Variants in KLRG1 observed in about 807,000 individuals in gnomAD.
KLRG1 encodes killer cell lectin-like receptor subfamily G member 1.
A neutral mutation model predicts 21.8 loss-of-function variants in KLRG1; 16 were observed. The ratio of observed to expected loss-of-function variants is 0.73; its 90% CI spans 0.50 to 1.11. The LOEUF (loss-of-function observed/expected upper bound fraction) is 1.11, where lower values mean the gene tolerates loss of function less well. KLRG1 is among the 50% of genes most tolerant of loss of function. The probability of loss-of-function intolerance (pLI) is 0.00; values close to 1 mark genes in which losing one functional copy is unlikely to be tolerated. For missense variants in KLRG1, 173 were observed against 218.3 expected, an observed-to-expected ratio of 0.79 and a Z score of 1.31; for synonymous variants, 69 against 75.9, an observed-to-expected ratio of 0.91 and a Z score of 0.47.
the KLRG1 span, chr12:9,080,210 T>G: frequency 3.5e-6 from 5 of 1,412,424 alleles, no homozygotes; most frequent in Non-Finnish European, 4.9e-6. Flanking sequence ...CATATGAAAA[T>G]TATTTCTGCA....
At chr12:9,023,564 CTT>C in the KLRG1 span, among the ~76,000 whole-genome samples, 1 of 144,376 alleles carries the variant, frequency 6.9e-6, no homozygotes. Context: ...CTTTTTTTTC[CTT>C]TTTTTTTTTA....
chr12:9,212,714 T>G, the KLRG1 span, among the ~76,000 whole-genome samples: 1 of 151,830 alleles, frequency 6.6e-6, no homozygotes, highest in East Asian at 1.9e-4. Context: ...GGAAATTATT[T>G]CCTTCATTTA....
intron 3 of KLRG1, among the ~76,000 whole-genome samples, chr12:9,006,955 T>C (rs1314910591): frequency 1.3e-5 from 2 of 152,238 alleles, no homozygotes; most frequent in Non-Finnish European, 2.9e-5. Flanking sequence ...GCAAAGGGAT[T>C]TTGCAAACCT....
chr12:9,019,856 G>A, the KLRG1 span, among the ~76,000 whole-genome samples: 1 of 152,050 alleles, frequency 6.6e-6, no homozygotes, highest in Non-Finnish European at 1.5e-5. Flanking sequence ...AAAGTGCTGG[G>A]ATTATAGGTG....
chr12:9,047,694 TAAAG>T, the KLRG1 span, among the ~76,000 whole-genome samples: 1 of 151,984 alleles, frequency 6.6e-6, no homozygotes, highest in East Asian at 1.9e-4. Context: ...AGATTGAAAA[TAAAG>T]GATGGAGAAA....
At chr12:9,087,493 A>G in the KLRG1 span, among the ~76,000 whole-genome samples, 1 of 152,156 alleles carries the variant, frequency 6.6e-6, no homozygotes, top group Non-Finnish European at 1.5e-5. Context: ...AATGGTGGTT[A>G]TGGAGGATGA....
intron 1 of KLRG1, among the ~76,000 whole-genome samples, chr12:8,960,922 T>C (rs1336161644): frequency 6.6e-6 from 1 of 152,224 alleles, no homozygotes; most frequent in African/African-American, 2.4e-5. Flanking sequence ...GGACGAGGTG[T>C]AGGAGATGGC....
At chr12:9,140,771 T>C in the KLRG1 span, among the ~76,000 whole-genome samples, 3 of 152,148 alleles carry the variant, frequency 2.0e-5, no homozygotes, top group East Asian at 3.9e-4. Context: ...CATTCTTTAC[T>C]TACCACAGGT....
the KLRG1 span, among the ~76,000 whole-genome samples, chr12:9,116,452 C>T: frequency 2.6e-5 from 4 of 152,036 alleles, no homozygotes; most frequent in Non-Finnish European, 5.9e-5. Context: ...AGAGCCAGGC[C>T]CTGGAAGAAT....
At chr12:9,101,741 C>A in the KLRG1 span, 1 of 1,310,636 alleles carries the variant, frequency 7.6e-7, no homozygotes, top group Non-Finnish European at 1.1e-6. Context: ...TCTCACAAAA[C>A]TACGTAAGTT....
chr12:9,062,872 C>G, the KLRG1 span, among the ~76,000 whole-genome samples: 1 of 151,290 alleles, frequency 6.6e-6, no homozygotes, highest in Admixed American at 6.6e-5. Flanking sequence ...CAGTTAAACA[C>G]CTAAACAGCC....
At chr12:9,179,090 C>G in the KLRG1 span, among the ~76,000 whole-genome samples, 1 of 152,148 alleles carries the variant, frequency 6.6e-6, no homozygotes, top group African/African-American at 2.4e-5. Flanking sequence ...AACTTTTTAT[C>G]AAAGATCAAA....
chr12:9,070,542 G>A, the KLRG1 span: 20 of 1,613,678 alleles, frequency 1.2e-5, no homozygotes, highest in South Asian at 9.9e-5. Context: ...TCACATCAAC[G>A]ATCGCCATGT....
the KLRG1 span, chr12:9,161,021 A>T: frequency 2.7e-5 from 42 of 1,551,678 alleles, 1 homozygote; most frequent in South Asian, 2.6e-4. Context: ...TACTAAATGG[A>T]AGGTGACTCA....
At chr12:8,987,266 G>A (rs1246204906), upstream of KLRG1, 1 of 152,168 alleles carries the variant, frequency 6.6e-6, no homozygotes, top group Non-Finnish European at 1.5e-5. Flanking sequence ...GAGTGTTTAA[G>A]GAAGTAATTA....
downstream of KLRG1, among the ~76,000 whole-genome samples, chr12:9,011,923 T>A (rs1947637549): frequency 6.6e-6 from 1 of 152,162 alleles, no homozygotes; most frequent in Admixed American, 6.5e-5. Flanking sequence ...AGGGAGCATT[T>A]AGACCAGCCC....
At chr12:9,159,428 T>G in the KLRG1 span, among the ~76,000 whole-genome samples, 133,454 of 152,042 alleles carry the variant, frequency 0.88, 59,144 homozygotes, top group East Asian at 0.96. Flanking sequence ...GTTTAGAAAT[T>G]GTTTCTCCAC....
chr12:9,194,547 C>A, the KLRG1 span, among the ~76,000 whole-genome samples: 45 of 148,026 alleles, frequency 3.0e-4, no homozygotes, highest in Non-Finnish European at 4.6e-4. Context: ...TCACTGCAAG[C>A]TCTGCCTCCT....
At chr12:9,154,917 A>C in the KLRG1 span, 1 of 1,352,210 alleles carries the variant, frequency 7.4e-7, no homozygotes, top group African/African-American at 1.5e-5. Flanking sequence ...ATGCACATTC[A>C]TAATACATGG....
Sources: gnomAD v4.1 joint callset for allele counts (sites outside exome capture counted in the v4.1 genomes callset) on GRCh38, gnomAD v4.1.1 for gene constraint, MANE v1.5 for transcripts, NCBI Gene and HGNC (gene_info 2026-07-23, HGNC 2026-07-21) for gene names.